TOX: variants seen among roughly 807,000 people sequenced by gnomAD.
TOX encodes the protein thymocyte selection-associated high mobility group box protein TOX.
In TOX, 11 loss-of-function variants were observed where a neutral mutation model predicts 53.7. The ratio of observed to expected loss-of-function variants is 0.20; its 90% CI spans 0.13 to 0.34. The LOEUF is 0.34. Ranked by LOEUF, TOX falls within the 10% of genes least tolerant of loss-of-function variation. The probability of loss-of-function intolerance (pLI) is 1.00; values close to 1 mark genes in which losing one functional copy is unlikely to be tolerated. For missense variants in TOX, 570 were observed against 664.6 expected (o/e 0.86, Z 1.56); for synonymous variants, 225 against 245.3 (o/e 0.92, Z 0.77).
At chr8:59,010,967 C>T (rs1813894712) in intron 1 of TOX, among the ~76,000 whole-genome samples, 2 of 152,170 alleles carry the variant, frequency 1.3e-5, no homozygotes, top group African/African-American at 2.4e-5. Flanking sequence ...GTAAGCAAGG[C>T]TGTTTCCCAT....
chr8:58,876,269 A>AT (rs920249615), intron 3 of TOX, among the ~76,000 whole-genome samples: 3 of 152,154 alleles, frequency 2.0e-5, no homozygotes, highest in Admixed American at 1.3e-4. Context: ...CTGTATACAC[A>AT]TTTTTTTATT....
chr8:58,949,924 C>T (rs1474532945), intron 2 of TOX, among the ~76,000 whole-genome samples: 2 of 138,258 alleles, frequency 1.4e-5, no homozygotes, highest in Non-Finnish European at 3.1e-5. Context: ...TATACAATTA[C>T]ATGTGTATAG....
At chr8:58,983,819 G>T (rs1354580607) in intron 1 of TOX, among the ~76,000 whole-genome samples, 1 of 152,194 alleles carries the variant, frequency 6.6e-6, no homozygotes, top group Admixed American at 6.5e-5. Flanking sequence ...AAGATCAGAT[G>T]CAGTGAATAT....
chr8:59,083,697 G>C (rs1320296000), intron 1 of TOX, among the ~76,000 whole-genome samples: 1 of 152,042 alleles, frequency 6.6e-6, no homozygotes, highest in Non-Finnish European at 1.5e-5. Flanking sequence ...CCCTGCTACT[G>C]ACAATAATGT....
At chr8:58,896,902 G>C (rs17296500) in intron 3 of TOX, among the ~76,000 whole-genome samples, 45,555 of 151,936 alleles carry the variant, frequency 0.3, 8,096 homozygotes, top group Non-Finnish European at 0.39. Flanking sequence ...ATATTCCTAC[G>C]TTAGGGATAA....
At chr8:58,823,543 T>C (rs920440192) in intron 6 of TOX, among the ~76,000 whole-genome samples, 1 of 152,220 alleles carries the variant, frequency 6.6e-6, no homozygotes, top group African/African-American at 2.4e-5. Flanking sequence ...TATTTTTAAA[T>C]GGAAGAAGTA....
intron 1 of TOX, among the ~76,000 whole-genome samples, chr8:59,047,601 T>G (rs1328060661): frequency 6.6e-6 from 1 of 151,724 alleles, no homozygotes; most frequent in African/African-American, 2.4e-5. Context: ...TCCACTATGT[T>G]GTCCCGGCTG....
Position 59,013,201 on chromosome 8 carries a change from G to A in TOX, c.103-53193C>T, listed in dbSNP as rs562207413. On this transcript the variant is annotated intron_variant, in intron 1 of 8. Coordinates refer to ENST00000361421, the MANE Select transcript of TOX (RefSeq NM_014729.3). Reference sequence around the variant, plus strand: ...TTGTTTATCTGCATATTACATCCCCGGTTCCTGGACATTGCTTTCATCCTA... The same window carrying A: ...TTGTTTATCTGCATATTACATCCCCAGTTCCTGGACATTGCTTTCATCCTA... 9.9e-5 allele frequency among the ~76,000 whole-genome samples: 15 copies of A among 152,036 alleles called. No individual in the cohort carries two copies. In the East Asian group the frequency reaches 1.5e-3, roughly 16 times the overall value.
intron 1 of TOX, among the ~76,000 whole-genome samples, chr8:59,011,900 G>A (rs1009462999): frequency 2.0e-5 from 3 of 152,118 alleles, no homozygotes; most frequent in Admixed American, 2.0e-4. Context: ...GCCACATCAT[G>A]GGGACAGAAA....
chr8:58,850,550 G>C (rs1810794876), intron 4 of TOX, among the ~76,000 whole-genome samples: 1 of 151,052 alleles, frequency 6.6e-6, no homozygotes, highest in Non-Finnish European at 1.5e-5. Context: ...TCATATGTGA[G>C]AGTTTTTAAA....
In TOX at chr8:59,054,738, C is replaced by A. The variant is rs1015702957; in HGVS notation, c.102+64148G>T. On this transcript the variant is annotated intron_variant, in intron 1 of 8. Coordinates refer to ENST00000361421, the MANE Select transcript of TOX (RefSeq NM_014729.3). ...TCTCATAAATTACAGAAATGTTCTCCACCAAGTACCAACAGCCACCACAAG... is the reference window on the plus strand; with the variant it reads ...TCTCATAAATTACAGAAATGTTCTCAACCAAGTACCAACAGCCACCACAAG... Among the ~76,000 whole-genome samples the A allele has an allele frequency of 7.1e-5, 9 of 126,692 alleles. 1 individual carries two copies. In the South Asian group the frequency reaches 3.6e-3, roughly 51 times the overall value. 83.1% of individuals were successfully genotyped at this position (126,692 alleles called of 152,430 possible).
At chr8:59,110,238 A>G (rs1563449779) in intron 1 of TOX, among the ~76,000 whole-genome samples, 1 of 152,156 alleles carries the variant, frequency 6.6e-6, no homozygotes, top group Non-Finnish European at 1.5e-5. Flanking sequence ...TTCTATGATT[A>G]ATGTTCATGA....
At chr8:58,981,065 T>C (rs1186948150) in intron 1 of TOX, among the ~76,000 whole-genome samples, 1 of 152,218 alleles carries the variant, frequency 6.6e-6, no homozygotes, top group East Asian at 1.9e-4. Context: ...CAAATTAGCT[T>C]CATTTTCTTG....
chr8:59,010,128 T>C (rs1188510024), intron 1 of TOX, among the ~76,000 whole-genome samples: 1 of 152,180 alleles, frequency 6.6e-6, no homozygotes, highest in Non-Finnish European at 1.5e-5. Context: ...GAGTATAGGT[T>C]CCTACCTCTT....
At chr8:58,936,251 C>T (rs1254194984) in intron 3 of TOX, among the ~76,000 whole-genome samples, 4 of 152,126 alleles carry the variant, frequency 2.6e-5, no homozygotes. Context: ...TTTCTTTCCT[C>T]TTGGTTTATC....
At chr8:59,066,730 G>A (rs1012075519) in intron 1 of TOX, among the ~76,000 whole-genome samples, 2 of 152,140 alleles carry the variant, frequency 1.3e-5, no homozygotes, top group Non-Finnish European at 2.9e-5. Context: ...ATTTAAACTC[G>A]GAGGCCCCAG....
At chr8:59,092,395 T>TA (rs1272159481) in intron 1 of TOX, among the ~76,000 whole-genome samples, 1 of 134,812 alleles carries the variant, frequency 7.4e-6, no homozygotes, top group African/African-American at 3.2e-5. Flanking sequence ...CTTGCTGGTA[T>TA]AAAAAAAGTT....
chr8:59,014,757 A>G (rs1379656178), intron 1 of TOX, among the ~76,000 whole-genome samples: 1 of 152,222 alleles, frequency 6.6e-6, no homozygotes, highest in Non-Finnish European at 1.5e-5. Context: ...CACTCCTAGA[A>G]TAATGGTGGT....
chr8:58,998,509 A>ACT (rs2129417921), intron 1 of TOX, among the ~76,000 whole-genome samples: 2 of 96,424 alleles, frequency 2.1e-5, no homozygotes, highest in African/African-American at 8.7e-5. Flanking sequence ...ATATATATAT[A>ACT]TATATATATA....
Sources: gnomAD v4.1 joint callset for allele counts (sites outside exome capture counted in the v4.1 genomes callset) on GRCh38, gnomAD v4.1.1 for gene constraint, MANE v1.5 for transcripts, NCBI Gene and HGNC (gene_info 2026-07-23, HGNC 2026-07-21) for gene names.